NME9: variants seen among roughly 807,000 people sequenced by gnomAD.
The protein encoded by NME9 is thioredoxin domain-containing protein 6.
A neutral mutation model predicts 44.4 loss-of-function variants in NME9; 48 were observed. That is an observed-to-expected ratio of 1.08 (90% confidence interval 0.86 to 1.37). NME9 has a LOEUF of 1.37. Among genes scored for constraint, NME9 ranks in the 40% most tolerant of loss-of-function variants. NME9 has a pLI of 0.00. For missense variants in NME9, 325 were observed against 405.2 expected, an observed-to-expected ratio of 0.80 and a Z score of 1.70; for synonymous variants, 139 against 147.1, an observed-to-expected ratio of 0.94 and a Z score of 0.40.
chr3:138,316,846 C>T (rs1226711962), intron 4 of NME9, among the ~76,000 whole-genome samples: 2 of 152,166 alleles, frequency 1.3e-5, no homozygotes, highest in African/African-American at 4.8e-5. Context: ...AACTCCTGAC[C>T]TCAGGTGATC....
At chr3:138,270,262 T>C in intron 8 of NME9, 1 of 703,114 alleles carries the variant, frequency 1.4e-6, no homozygotes, top group Non-Finnish European at 2.3e-6. Flanking sequence ...TTGTTCTAGT[T>C]TTCTAATGAC....
chr3:138,262,617 A>C (rs1560008371), intron 8 of NME9: 31 of 1,558,158 alleles, frequency 2.0e-5, no homozygotes, highest in Non-Finnish European at 2.7e-5. Context: ...AAAAAAATTT[A>C]GGTGCCTAGC....
At position 138,270,028 on chromosome 3, in the gene NME9, G is replaced by C. The variant is rs775445088; in HGVS notation, c.746-7442C>G. On this transcript the variant is annotated intron_variant, in intron 8 of 8. Transcript: ENST00000317876. ...TAAAGCTGTGATTTTTTTTTTCCCTGTCCAATGGCAGCCAATTTTGGAATC... is the reference window on the plus strand; with the variant it reads ...TAAAGCTGTGATTTTTTTTTTCCCTCTCCAATGGCAGCCAATTTTGGAATC... 7.6e-6 allele frequency: 12 copies of C among 1,582,892 alleles called. No homozygotes were observed. The Admixed American group carries it at 1.2e-4, about 16-fold the overall frequency.
intron 6 of NME9, among the ~76,000 whole-genome samples, chr3:138,310,073 C>T (rs1034928600): frequency 6.6e-6 from 1 of 151,152 alleles, no homozygotes; most frequent in East Asian, 1.9e-4. Flanking sequence ...AAGAAACCCA[C>T]TTTACCTATA....
chr3:138,282,601 C>T (rs181342561), intron 8 of NME9, among the ~76,000 whole-genome samples: 1 of 143,882 alleles, frequency 7.0e-6, no homozygotes, highest in Admixed American at 7.2e-5. Context: ...AGCCCAGATG[C>T]ACTCTAGCCT....
At chr3:138,309,488 C>T (rs993078757) in intron 6 of NME9, among the ~76,000 whole-genome samples, 2 of 152,074 alleles carry the variant, frequency 1.3e-5, no homozygotes, top group South Asian at 2.1e-4. Context: ...AGATCAAGAC[C>T]AACCTGGCCA....
In NME9 at chr3:138,326,264, A is replaced by G. The variant is rs532126753; in HGVS notation, c.34-1334T>C. On this transcript the variant is annotated intron_variant, in intron 1 of 10. Coordinates refer to ENST00000333911, the MANE Select transcript of NME9 (RefSeq NM_001349018.2). The stretch of plus-strand genomic sequence containing the variant: ...CTCACTACTCCCTAGCAGATGAGAC[A>G]CAATTTCCATCTGCCTGTTACTGAT... 5.3e-5 allele frequency among the ~76,000 whole-genome samples: 8 copies of G among 152,336 alleles called. No individual in the cohort carries two copies. In the East Asian group the frequency reaches 1.5e-3, roughly 29 times the overall value.
intron 8 of NME9, among the ~76,000 whole-genome samples, chr3:138,264,978 G>A (rs2108271229): frequency 6.6e-6 from 1 of 151,546 alleles, no homozygotes; most frequent in African/African-American, 2.4e-5. Context: ...GCTCACTGCA[G>A]CCTTGTGCCC....
intron 8 of NME9, chr3:138,263,742 A>G (rs994584389): frequency 2.5e-6 from 4 of 1,613,552 alleles, no homozygotes; most frequent in Non-Finnish European, 3.4e-6. Context: ...TCTCCAGATC[A>G]TTGAGACTGA....
chr3:138,274,811 C>T (rs976251497), intron 8 of NME9, among the ~76,000 whole-genome samples: 1 of 152,130 alleles, frequency 6.6e-6, no homozygotes, highest in East Asian at 1.9e-4. Context: ...GAGCAGTCAC[C>T]TTTCATCATC....
chr3:138,290,409 T>C, intron 8 of NME9: 2 of 639,010 alleles, frequency 3.1e-6, no homozygotes, highest in Non-Finnish European at 5.4e-6. Flanking sequence ...CCAACTACAT[T>C]GGGAGAGGGT....
chr3:138,310,370 G>A, intron 6 of NME9, among the ~76,000 whole-genome samples: 1 of 150,874 alleles, frequency 6.6e-6, no homozygotes. Flanking sequence ...AGATCATTCA[G>A]GCAGAAGACA....
At chr3:138,274,117 C>T (rs1227904802) in intron 8 of NME9, among the ~76,000 whole-genome samples, 2 of 152,118 alleles carry the variant, frequency 1.3e-5, no homozygotes, top group African/African-American at 2.4e-5. Context: ...CCGTACTTGG[C>T]CTTTGCTTCC....
At chr3:138,281,347 C>T (rs1375286814) in intron 8 of NME9, among the ~76,000 whole-genome samples, 1 of 150,818 alleles carries the variant, frequency 6.6e-6, no homozygotes, top group Admixed American at 6.6e-5. Flanking sequence ...GGCTGGAGTG[C>T]AGTGACGCGA....
intron 8 of NME9, among the ~76,000 whole-genome samples, chr3:138,270,749 T>A (rs532770968): frequency 1.3e-5 from 2 of 152,296 alleles, no homozygotes; most frequent in South Asian, 4.1e-4. Context: ...TACTTAATAA[T>A]TTTTTAACAG....
chr3:138,293,705 G>C (rs1195512763), intron 8 of NME9, among the ~76,000 whole-genome samples: 1 of 152,172 alleles, frequency 6.6e-6, no homozygotes, highest in Non-Finnish European at 1.5e-5. Context: ...TAAACAGTGG[G>C]CTCTGTCAGC....
intron 8 of NME9, among the ~76,000 whole-genome samples, chr3:138,269,084 G>C (rs2048545260): frequency 6.6e-6 from 1 of 152,178 alleles, no homozygotes; most frequent in Admixed American, 6.5e-5. Context: ...GTACGAGAGA[G>C]ATGATAAATT....
At position 138,303,569 on chromosome 3, in the gene NME9, C is replaced by CT; in HGVS notation, c.865dup (p.Arg289LysfsTer24). The CT allele has an allele frequency of 9.9e-6, 16 of 1,613,710 alleles. No homozygotes were observed. Among genetic ancestry groups the CT allele is most frequent in the Non-Finnish European group, 1.3e-5 (15 of 1,179,536 alleles). On this transcript the variant is annotated frameshift_variant, in exon 10 of 11. Transcript: ENST00000333911. LOFTEE classifies it high-confidence loss of function. ...ACTGGGGAAGAGCAATGCCAGTTCT[C>CT]TGTCAGCATCTTCTCTGTCCCGGCT... is the stretch of plus-strand genomic sequence containing the variant.
chr3:138,286,101 C>T (rs1233565281), intron 8 of NME9, among the ~76,000 whole-genome samples: 2 of 152,030 alleles, frequency 1.3e-5, no homozygotes, highest in South Asian at 2.1e-4. Flanking sequence ...GGCACTATTG[C>T]CCGGCTAATT....
Sources: gnomAD v4.1 joint callset for allele counts (sites outside exome capture counted in the v4.1 genomes callset) on GRCh38, gnomAD v4.1.1 for gene constraint, MANE v1.5 for transcripts, NCBI Gene and HGNC (gene_info 2026-07-23, HGNC 2026-07-21) for gene names.